Variants in MAP2 observed in about 807,000 individuals in gnomAD.
The protein encoded by MAP2 is microtubule-associated protein 2.
A neutral mutation model predicts 137.6 loss-of-function variants in MAP2; 14 were observed. That is an observed-to-expected ratio of 0.10 (90% CI 0.07 to 0.16). MAP2 has a LOEUF of 0.16. Among genes scored for constraint, MAP2 ranks in the 10% least tolerant of loss-of-function variants. The pLI, the probability that MAP2 is intolerant of heterozygous loss-of-function variation, is 1.00. For missense variants in MAP2, 2,088 were observed against 2,191.5 expected, an observed-to-expected ratio of 0.95 and a Z score of 0.94; for synonymous variants, 786 against 782.3, an observed-to-expected ratio of 1.00 and a Z score of -0.08.
chr2:209,640,217 A>G (rs1209434493), intron 4 of MAP2, among the ~76,000 whole-genome samples: 1 of 151,968 alleles, frequency 6.6e-6, no homozygotes, highest in Non-Finnish European at 1.5e-5. Flanking sequence ...CCATCACAGC[A>G]TGTACCACAC....
At chr2:209,474,134 A>ACCCAAGAC (rs55914155) in intron 1 of MAP2, among the ~76,000 whole-genome samples, 1 of 152,150 alleles carries the variant, frequency 6.6e-6, no homozygotes. Context: ...ATAGTGGTTT[A>ACCCAAGAC]CCAAGGGGAG....
At chr2:209,641,306 C>T (rs1317476502) in intron 4 of MAP2, among the ~76,000 whole-genome samples, 2 of 152,118 alleles carry the variant, frequency 1.3e-5, no homozygotes, top group African/African-American at 4.8e-5. Context: ...TCAGATTCCA[C>T]ACTGGAAAAA....
intron 3 of MAP2, among the ~76,000 whole-genome samples, chr2:209,624,362 C>T (rs1382792442): frequency 3.3e-5 from 5 of 152,236 alleles, no homozygotes; most frequent in Non-Finnish European, 5.9e-5. Context: ...TATTGTGCGT[C>T]CTTTGTAGTC....
chr2:209,672,955 A>G (rs1027759653), intron 5 of MAP2, among the ~76,000 whole-genome samples: 7 of 151,794 alleles, frequency 4.6e-5, no homozygotes, highest in Non-Finnish European at 1.0e-4. Context: ...GTTTCCACCA[A>G]TATATTTCCT....
chr2:209,427,490 C>A (rs1364521861), intron 1 of MAP2, among the ~76,000 whole-genome samples: 1 of 152,114 alleles, frequency 6.6e-6, no homozygotes, highest in Non-Finnish European at 1.5e-5. Context: ...TCAATCTAGA[C>A]CTTTTCATGT....
intron 2 of MAP2, among the ~76,000 whole-genome samples, chr2:209,553,858 T>G (rs1578052986): frequency 6.6e-6 from 1 of 151,930 alleles, no homozygotes; most frequent in South Asian, 2.1e-4. Context: ...TCAAGGAGAG[T>G]GGGGAAAGAT....
intron 2 of MAP2, among the ~76,000 whole-genome samples, chr2:209,511,017 G>T (rs773555392): frequency 4.6e-5 from 7 of 152,074 alleles, no homozygotes; most frequent in African/African-American, 7.2e-5. Context: ...GACATGAGGT[G>T]CAGTAGCTTT....
chr2:209,724,692 C>T (rs984232018), intron 13 of MAP2, among the ~76,000 whole-genome samples: 2 of 152,164 alleles, frequency 1.3e-5, no homozygotes, highest in African/African-American at 4.8e-5. Flanking sequence ...ATTGAAAGTT[C>T]ATAGCAATGT....
At chr2:209,448,522 A>C (rs1309386255) in intron 1 of MAP2, among the ~76,000 whole-genome samples, 1 of 152,140 alleles carries the variant, frequency 6.6e-6, no homozygotes, top group Non-Finnish European at 1.5e-5. Flanking sequence ...AAACAATAGA[A>C]ATGTATTCTC....
At chr2:209,450,673 A>G (rs926960019) in intron 1 of MAP2, among the ~76,000 whole-genome samples, 5 of 152,172 alleles carry the variant, frequency 3.3e-5, no homozygotes, top group African/African-American at 4.8e-5. Context: ...AGTATCTTCT[A>G]TATCATCCAA....
intron 2 of MAP2, among the ~76,000 whole-genome samples, chr2:209,559,393 G>A (rs909556887): frequency 6.6e-6 from 1 of 150,844 alleles, no homozygotes; most frequent in African/African-American, 2.4e-5. Flanking sequence ...CAGCACTTTG[G>A]GAGGCCGAGG....
chr2:209,609,707 C>T (rs1405975045), intron 3 of MAP2, among the ~76,000 whole-genome samples: 1 of 152,136 alleles, frequency 6.6e-6, no homozygotes, highest in Non-Finnish European at 1.5e-5. Context: ...TTTATTAGTT[C>T]ATTAATCAGT....
chr2:209,501,421 A>G (rs1249617034), intron 1 of MAP2, among the ~76,000 whole-genome samples: 2 of 152,184 alleles, frequency 1.3e-5, no homozygotes, highest in African/African-American at 4.8e-5. Flanking sequence ...GATTTATAAT[A>G]TGGAGGCATG....
intron 2 of MAP2, among the ~76,000 whole-genome samples, chr2:209,526,599 G>A (rs905583203): frequency 1.9e-5 from 2 of 105,340 alleles, no homozygotes; most frequent in Admixed American, 8.6e-5. Flanking sequence ...AAAAGAGCAA[G>A]GATTCTCCCT....
intron 13 of MAP2, among the ~76,000 whole-genome samples, chr2:209,720,182 G>C (rs2069699003): frequency 6.6e-6 from 1 of 152,170 alleles, no homozygotes; most frequent in Non-Finnish European, 1.5e-5. Context: ...TATTTAATAA[G>C]AAATAGGGTG....
chr2:209,670,450 C>T (rs1328530034), intron 5 of MAP2, among the ~76,000 whole-genome samples: 1 of 151,954 alleles, frequency 6.6e-6, no homozygotes, highest in Non-Finnish European at 1.5e-5. Context: ...CCAGTAGGTA[C>T]TATCTCTGAT....
chr2:209,651,583 T>A (rs2094801410), intron 4 of MAP2, among the ~76,000 whole-genome samples: 1 of 152,206 alleles, frequency 6.6e-6, no homozygotes. Flanking sequence ...AAAACTCTCC[T>A]GTGCACACAA....
Position 209,694,847 on chromosome 2 carries a change from A to G in MAP2, c.2677A>G (p.Ser893Gly). Residue 893 changes from serine (S) to glycine (G), a missense_variant, in exon 8 of 16, where the codon AGT (serine) becomes GGT (glycine). By Grantham distance (56) the Ser-to-Gly change is moderately conservative. This residue lies in a region of MAP2 where 500 missense variants were observed against 482.9 expected (regional missense o/e 1.04). Transcript: ENST00000682079. ...AGACAGTGAGAATTTATCAGGGGAGAGTGGTACCTTTTACGAAGGCACTGA... is the reference window on the plus strand; with the variant it reads ...AGACAGTGAGAATTTATCAGGGGAGGGTGGTACCTTTTACGAAGGCACTGA... ...VQDSENLSGE[S>G]GTFYEGTDDK... 1 of 1,614,178 alleles carries G rather than the reference A, an allele frequency of 6.2e-7. No homozygotes were observed. Among genetic ancestry groups the G allele is most frequent in the South Asian group, 1.1e-5 (1 of 91,090 alleles).
At chr2:209,606,977 TTAAA>T in intron 3 of MAP2, among the ~76,000 whole-genome samples, 1 of 152,164 alleles carries the variant, frequency 6.6e-6, no homozygotes, top group Non-Finnish European at 1.5e-5. Flanking sequence ...TTTATTAACT[TTAAA>T]TATATTTTGA....
Sources: gnomAD v4.1 joint callset for allele counts (sites outside exome capture counted in the v4.1 genomes callset) on GRCh38, gnomAD v4.1.1 for gene constraint, gnomAD v4.1.1 regional missense constraint, MANE v1.5 for transcripts, NCBI Gene and HGNC (gene_info 2026-07-23, HGNC 2026-07-21) for gene names.